DERA: variants seen among roughly 807,000 people sequenced by gnomAD.
DERA encodes the protein 2-deoxy-D-ribose 5-phosphate aldolase.
DERA carries 15 observed loss-of-function variants against 41.1 expected under a neutral mutation model. That is an observed-to-expected ratio of 0.37 (90% CI 0.24 to 0.56). The LOEUF (loss-of-function observed/expected upper bound fraction) is 0.56. DERA is among the 20% of genes least tolerant of loss of function. DERA has a pLI of 0.81. For missense variants in DERA, 396 were observed against 403.4 expected, an observed-to-expected ratio of 0.98 and a Z score of 0.16; for synonymous variants, 139 against 137.4, an observed-to-expected ratio of 1.01 and a Z score of -0.08.
At chr12:15,977,722 T>A (rs1948707362) in intron 5 of DERA, among the ~76,000 whole-genome samples, 1 of 152,210 alleles carries the variant, frequency 6.6e-6, no homozygotes, top group Non-Finnish European at 1.5e-5. Flanking sequence ...CCTCCCAAAG[T>A]GCTGGGATTA....
In DERA at chr12:16,035,245, G is replaced by A. The variant is rs1422738943; in HGVS notation, c.751-987G>A. On this transcript the variant is annotated intron_variant, in intron 7 of 8. Transcript: ENST00000428559. This position sits in a 1 kb window ranked among gnomAD's most constrained non-coding sequence, Gnocchi z 4.1. ...GGTGGAGTTTGGATTAAACTATAAG[G>A]TTTCCTGCTTGGGTTGATAATAGAA... Among the ~76,000 whole-genome samples, 3 of 152,086 alleles carry A rather than the reference G, an allele frequency of 2.0e-5. No individual in the cohort carries two copies. The highest frequency in any genetic ancestry group is 7.2e-5 in the African/African-American group (3 of 41,396).
chr12:15,953,361 C>T (rs1948513042), intron 1 of DERA, among the ~76,000 whole-genome samples: 1 of 152,162 alleles, frequency 6.6e-6, no homozygotes, highest in South Asian at 2.1e-4. Flanking sequence ...AATACAGGAA[C>T]TTCTGCAGAA....
chr12:15,960,365 C>CG (rs1218392069), intron 4 of DERA, among the ~76,000 whole-genome samples: 1 of 150,988 alleles, frequency 6.6e-6, no homozygotes, highest in Non-Finnish European at 1.5e-5. Flanking sequence ...GGGCTGGGGA[C>CG]GGTGGCTCAC....
intron 6 of DERA, among the ~76,000 whole-genome samples, chr12:16,022,157 C>T (rs1204977237): frequency 2.0e-5 from 3 of 152,156 alleles, no homozygotes; most frequent in South Asian, 4.1e-4. Flanking sequence ...GGTAGTAGAT[C>T]CCTCATGAAT....
Position 16,014,166 on chromosome 12 carries a change from A to C in DERA, c.638-18376A>C, listed in dbSNP as rs950604979. 3.8e-4 allele frequency among the ~76,000 whole-genome samples: 58 copies of C among 152,184 alleles called. No individual in the cohort carries two copies. Among genetic ancestry groups the C allele is most frequent in the Admixed American group, 3.7e-3 (57 of 15,268 alleles). ...GCAGCCTGATGATGTGATAGAAAAA[A>C]ACCCACTTTCTGAGGAGAAATTCAA... On this transcript the variant is annotated intron_variant, in intron 6 of 8. Transcript: ENST00000428559. This position sits in a 1 kb window ranked among gnomAD's most constrained non-coding sequence, Gnocchi z 5.4.
In DERA at chr12:15,998,627, A is replaced by T. The variant is rs930591596; in HGVS notation, c.637+16191A>T. Among the ~76,000 whole-genome samples, 1 of 152,180 alleles carries T rather than the reference A, an allele frequency of 6.6e-6. No individual in the cohort carries two copies. Among genetic ancestry groups the T allele is most frequent in the Non-Finnish European group, 1.5e-5 (1 of 68,022 alleles). On this transcript the variant is annotated intron_variant, in intron 6 of 8. Transcript: ENST00000428559. The surrounding 1 kb of genome is among the most constrained non-coding windows in gnomAD (Gnocchi z 4.8). ...CCACCACGCCTGGCCTAACACAGGAAGTCTTTCAACTCACATTTGTAGTTC... is the reference window on the plus strand; with the variant it reads ...CCACCACGCCTGGCCTAACACAGGATGTCTTTCAACTCACATTTGTAGTTC...
chr12:16,007,344 C>T (rs1377232612), intron 6 of DERA, among the ~76,000 whole-genome samples: 4 of 151,828 alleles, frequency 2.6e-5, no homozygotes, highest in East Asian at 1.9e-4. Flanking sequence ...TCACCATGCC[C>T]GGCTAGCTTT....
chr12:15,978,454 C>A (rs1948713055), intron 5 of DERA, among the ~76,000 whole-genome samples: 1 of 152,100 alleles, frequency 6.6e-6, no homozygotes, highest in African/African-American at 2.4e-5. Flanking sequence ...CTACTAAATG[C>A]CTGGTTCTAT....
intron 6 of DERA, among the ~76,000 whole-genome samples, chr12:16,030,994 TA>T (rs112143190): frequency 6.6e-5 from 10 of 152,354 alleles, no homozygotes; most frequent in African/African-American, 2.4e-4. Context: ...CAGTCCTACT[TA>T]AGTCCTTGCT....
In DERA at chr12:16,003,748, G is replaced by A. The variant is rs1022983005; in HGVS notation, c.637+21312G>A. On this transcript the variant is annotated intron_variant, in intron 6 of 8. Transcript: ENST00000428559. This position sits in a 1 kb window ranked among gnomAD's most constrained non-coding sequence, Gnocchi z 4.8. ...GAAGTATTCCTCCTTAGTTGTGCCT[G>A]AGAAGCTCCCAGCTTCCATAACTCC... Among the ~76,000 whole-genome samples, 1 of 152,178 alleles carries A rather than the reference G, an allele frequency of 6.6e-6. No individual in the cohort carries two copies. Among genetic ancestry groups the A allele is most frequent in the Non-Finnish European group, 1.5e-5 (1 of 68,032 alleles).
rs1247465450 is a variant in DERA at position 16,014,663 on chromosome 12, G to C, written c.638-17879G>C. ...AATGTGGGGTTGGAGTCTCCACACAGAGTCCCCACTGGGGCACTGCCTAGT... is the reference window on the plus strand; with the variant it reads ...AATGTGGGGTTGGAGTCTCCACACACAGTCCCCACTGGGGCACTGCCTAGT... On this transcript the variant is annotated intron_variant, in intron 6 of 8. Coordinates refer to ENST00000428559, the MANE Select transcript of DERA (RefSeq NM_015954.4). This position sits in a 1 kb window ranked among gnomAD's most constrained non-coding sequence, Gnocchi z 5.4. 3.3e-5 allele frequency among the ~76,000 whole-genome samples: 5 copies of C among 152,230 alleles called. No homozygotes were observed. The highest frequency in any genetic ancestry group is 1.2e-4 in the African/African-American group (5 of 41,468).
At chr12:15,953,665 A>G (rs1049731113) in intron 1 of DERA, among the ~76,000 whole-genome samples, 1 of 152,162 alleles carries the variant, frequency 6.6e-6, no homozygotes, top group African/African-American at 2.4e-5. Context: ...TTGGCCCCAT[A>G]AGAAGATTCT....
Position 15,982,547 on chromosome 12 carries a change from T to C in DERA, c.637+111T>C. On this transcript the variant is annotated intron_variant, in intron 6 of 8. Coordinates refer to ENST00000428559, the MANE Select transcript of DERA (RefSeq NM_015954.4). This position sits in a 1 kb window ranked among gnomAD's most constrained non-coding sequence, Gnocchi z 4.0. ...TAAACGTGCTAACCACTTGGAATTT[T>C]TTTGCGGGAGGAATCGGATATTTTG... 1 of 1,216,646 alleles carries C rather than the reference T, an allele frequency of 8.2e-7. No individual in the cohort carries two copies. Among genetic ancestry groups the C allele is most frequent in the Non-Finnish European group, 1.1e-6 (1 of 882,618 alleles). 75.4% of individuals were successfully genotyped at this position (1,216,646 alleles called of 1,614,324 possible).
rs1041748545 is a variant in DERA, at chr12:16,009,241, A to G, written c.638-23301A>G. On this transcript the variant is annotated intron_variant, in intron 6 of 8. Coordinates refer to ENST00000428559, the MANE Select transcript of DERA (RefSeq NM_015954.4). This position sits in a 1 kb window ranked among gnomAD's most constrained non-coding sequence, Gnocchi z 5.3. The stretch of plus-strand genomic sequence containing the variant: ...GAATCTAAGATGCTTTTGGGTGAGT[A>G]GCAGAAGAGAACAATGGAATATTGG... 6.6e-6 allele frequency among the ~76,000 whole-genome samples: 1 copy of G among 152,214 alleles called. No homozygotes were observed. Among genetic ancestry groups the G allele is most frequent in the African/African-American group, 2.4e-5 (1 of 41,450 alleles).
chr12:15,982,365 C>T lies in DERA; in HGVS notation c.566C>T (p.Thr189Ile), dbSNP rs763284787. Residue 189 changes from threonine (T) to isoleucine (I), a missense_variant, in exon 6 of 9, where the codon ACT (threonine) becomes ATT (isoleucine). Thr to Ile is a moderately conservative substitution (Grantham distance 89). Transcript: ENST00000428559. The surrounding 1 kb of genome is among the most constrained non-coding windows in gnomAD (Gnocchi z 4.0). ...GCCTGTGGGGAGGCTCATCTTAAAACTATATTAGCGACAGGAGAACTTGGA... is the reference window on the plus strand; with the variant it reads ...GCCTGTGGGGAGGCTCATCTTAAAATTATATTAGCGACAGGAGAACTTGGA... Reference protein sequence around the residue: ...RKACGEAHLKTILATGELGTL... With the variant: ...RKACGEAHLKIILATGELGTL... 3 of 1,613,736 alleles carry T rather than the reference C, an allele frequency of 1.9e-6. No homozygotes were observed. Among genetic ancestry groups the T allele is most frequent in the African/African-American group, 2.7e-5 (2 of 74,916 alleles).
Position 15,970,880 on chromosome 12 carries a change from A to T in DERA, c.508+7933A>T, listed in dbSNP as rs1375537354. Among the ~76,000 whole-genome samples the T allele has an allele frequency of 1.3e-5, 2 of 152,218 alleles. No individual in the cohort carries two copies. Among genetic ancestry groups the T allele is most frequent in the African/African-American group, 4.8e-5 (2 of 41,456 alleles). Reference sequence around the variant, plus strand: ...TAATGTCTAGTTTTAGCTTCTGGGGATTACATTCTTCAGGTAAGAAGTGAA... The same window carrying T: ...TAATGTCTAGTTTTAGCTTCTGGGGTTTACATTCTTCAGGTAAGAAGTGAA... On this transcript the variant is annotated intron_variant, in intron 5 of 8. Coordinates refer to ENST00000428559, the MANE Select transcript of DERA (RefSeq NM_015954.4). This position sits in a 1 kb window ranked among gnomAD's most constrained non-coding sequence, Gnocchi z 4.3.
intron 1 of DERA, among the ~76,000 whole-genome samples, chr12:15,948,860 C>T (rs796329087): frequency 6.6e-6 from 1 of 152,098 alleles, no homozygotes; most frequent in African/African-American, 2.4e-5. Flanking sequence ...ATGATGGTGA[C>T]GTACAGATGG....
At chr12:15,991,223 T>C (rs1948800031) in intron 6 of DERA, among the ~76,000 whole-genome samples, 1 of 152,240 alleles carries the variant, frequency 6.6e-6, no homozygotes, top group African/African-American at 2.4e-5. Flanking sequence ...GTTGAACTTT[T>C]TCTCATGATT....
intron 1 of DERA, among the ~76,000 whole-genome samples, chr12:15,927,163 A>T (rs1334447694): frequency 6.6e-6 from 1 of 152,204 alleles, no homozygotes; most frequent in Non-Finnish European, 1.5e-5. Context: ...GCTCTTCATG[A>T]AGATGGTAAT....
Sources: gnomAD v4.1 joint callset for allele counts (sites outside exome capture counted in the v4.1 genomes callset) on GRCh38, gnomAD v4.1.1 for gene constraint, Gnocchi (gnomAD v3.1) non-coding constraint, MANE v1.5 for transcripts, NCBI Gene and HGNC (gene_info 2026-07-23, HGNC 2026-07-21) for gene names.